Variants in CALN1 observed in about 807,000 individuals in gnomAD.
The protein encoded by CALN1 is calcium-binding protein 8.
Under a neutral mutation model 30.6 loss-of-function variants are expected in CALN1, and 17 were observed. That is an observed-to-expected ratio of 0.56 (90% confidence interval 0.38 to 0.83). The LOEUF (loss-of-function observed/expected upper bound fraction) is 0.83. Ranked by LOEUF, CALN1 falls within the 40% of genes least tolerant of loss-of-function variation. CALN1 has a pLI of 0.00. For synonymous variants in CALN1, 156 were observed against 131.4 expected, an observed-to-expected ratio of 1.19 and a Z score of -1.28; for missense variants, 291 against 354.9, an observed-to-expected ratio of 0.82 and a Z score of 1.45.
At chr7:72,354,773 T>G (rs935722213) in intron 2 of CALN1, among the ~76,000 whole-genome samples, 3 of 152,206 alleles carry the variant, frequency 2.0e-5, no homozygotes, top group Non-Finnish European at 4.4e-5. Flanking sequence ...GATACTTTAT[T>G]TACCCTATAG....
At chr7:72,286,258 A>T (rs1798071466) in intron 2 of CALN1, among the ~76,000 whole-genome samples, 1 of 151,902 alleles carries the variant, frequency 6.6e-6, no homozygotes. Flanking sequence ...AAAGCAGCCA[A>T]GGTCAAATCC....
At chr7:72,487,917 A>AGAAAGAAAGAAG in the CALN1 span, among the ~76,000 whole-genome samples, 10 of 62,284 alleles carry the variant, frequency 1.6e-4, no homozygotes, top group South Asian at 1.6e-3. Flanking sequence ...AAAGAAAGAA[A>AGAAAGAAAGAAG]GAAGGAAGGA....
intron 2 of CALN1, among the ~76,000 whole-genome samples, chr7:72,333,136 A>C (rs1158019395): frequency 1.3e-5 from 2 of 152,090 alleles, no homozygotes; most frequent in African/African-American, 2.4e-5. Flanking sequence ...TTTCCTCTGC[A>C]CCAGAATACC....
chr7:72,171,155 C>T (rs1182495619), intron 3 of CALN1, among the ~76,000 whole-genome samples: 2 of 151,886 alleles, frequency 1.3e-5, no homozygotes, highest in African/African-American at 4.8e-5. Flanking sequence ...GAGAGTCAGT[C>T]TCAAAACAAA....
intron 3 of CALN1, among the ~76,000 whole-genome samples, chr7:72,116,926 A>G (rs115906339): frequency 2.6e-5 from 4 of 152,348 alleles, no homozygotes; most frequent in African/African-American, 9.6e-5. Context: ...GATAGGAATT[A>G]TAAGCGAAGA....
At chr7:72,135,355 T>C (rs1024446102) in intron 3 of CALN1, among the ~76,000 whole-genome samples, 4 of 152,236 alleles carry the variant, frequency 2.6e-5, no homozygotes, top group Non-Finnish European at 4.4e-5. Context: ...TATCGCCTTA[T>C]GAAATGCGTT....
At chr7:72,283,474 T>G (rs1413565095) in intron 2 of CALN1, among the ~76,000 whole-genome samples, 1 of 152,062 alleles carries the variant, frequency 6.6e-6, no homozygotes, top group Non-Finnish European at 1.5e-5. Flanking sequence ...ATTTGAGACT[T>G]CAGAGAGCTA....
At chr7:72,441,830 G>T (rs1808355704) in intron 1 of CALN1, among the ~76,000 whole-genome samples, 1 of 151,892 alleles carries the variant, frequency 6.6e-6, no homozygotes, top group African/African-American at 2.4e-5. Context: ...GATCTCATCT[G>T]AGATGGCTTT....
Position 72,044,599 on chromosome 7 carries a change from C to CTTTTTTTTTTT in CALN1, c.389-20841_389-20831dup, listed in dbSNP as rs549079139. On this transcript the variant is annotated intron_variant, in intron 4 of 6. Coordinates refer to ENST00000395275, the MANE Select transcript of CALN1 (RefSeq NM_031468.4). ...TTCAGAGAATAATTTCCGCTTAAAA[C>CTTTTTTTTTTT]TTTTTTTTTTTTTTTTTTTTTTTTT... is the stretch of plus-strand genomic sequence containing the variant. Among the ~76,000 whole-genome samples, 48 of 96,690 alleles carry CTTTTTTTTTTT rather than the reference C, an allele frequency of 5.0e-4. 2 individuals are homozygous for CTTTTTTTTTTT. Among genetic ancestry groups the CTTTTTTTTTTT allele is most frequent in the African/African-American group, 1.8e-3 (45 of 24,468 alleles). The allele number at this position is 96,690 out of a possible 152,430, so 63.4% of individuals were successfully genotyped here.
At chr7:71,889,133 C>G (rs1489014672) in intron 5 of CALN1, among the ~76,000 whole-genome samples, 1 of 152,148 alleles carries the variant, frequency 6.6e-6, no homozygotes, top group Non-Finnish European at 1.5e-5. Flanking sequence ...CTGGCTGCTA[C>G]AACAAAATAT....
In CALN1 at chr7:72,376,332, G is replaced by A. The variant is rs558430695; in HGVS notation, c.119+26919C>T. 3.9e-5 allele frequency among the ~76,000 whole-genome samples: 6 copies of A among 152,296 alleles called. No individual in the cohort carries two copies. In the South Asian group the frequency reaches 6.2e-4, roughly 16 times the overall value. ...GGAATGCCAAGTTGTTTTCCAAAGT[G>A]ACATCATTTTACAGTACAATGCAAA... On this transcript the variant is annotated intron_variant, in intron 2 of 6. Transcript: ENST00000395275.
At chr7:72,375,542 G>A (rs1168234767) in intron 2 of CALN1, among the ~76,000 whole-genome samples, 2 of 138,742 alleles carry the variant, frequency 1.4e-5, no homozygotes, top group East Asian at 4.1e-4. Context: ...CTCCACCCTG[G>A]CAAAACAGCA....
At chr7:72,334,717 T>C (rs1026036100) in intron 2 of CALN1, among the ~76,000 whole-genome samples, 2 of 152,256 alleles carry the variant, frequency 1.3e-5, no homozygotes, top group Non-Finnish European at 2.9e-5. Flanking sequence ...TGAACAATTC[T>C]AAGAGGATTT....
chr7:72,491,175 C>T, the CALN1 span, among the ~76,000 whole-genome samples: 15 of 150,652 alleles, frequency 1.0e-4, no homozygotes, highest in East Asian at 4.0e-4. Context: ...ACCCGGAAGG[C>T]GGAGTTTGCA....
intron 2 of CALN1, among the ~76,000 whole-genome samples, chr7:72,357,670 TATGAG>T (rs1434359702): frequency 1.3e-5 from 2 of 151,612 alleles, no homozygotes; most frequent in Non-Finnish European, 2.9e-5. Flanking sequence ...AACTCCCCAT[TATGAG>T]ATAACATGTT....
At chr7:72,098,776 A>ACACACG (rs1806426132) in intron 4 of CALN1, among the ~76,000 whole-genome samples, 1 of 151,144 alleles carries the variant, frequency 6.6e-6, no homozygotes, top group African/African-American at 2.4e-5. Context: ...ACACACACAC[A>ACACACG]CACACACACA....
In CALN1 at chr7:71,978,262, C is replaced by CTTTTTTTTTTTTTTTTTTTTT. The variant is rs1010635078; in HGVS notation, c.501+45374_501+45394dup. 1.1e-4 allele frequency among the ~76,000 whole-genome samples: 8 copies of CTTTTTTTTTTTTTTTTTTTTT among 72,938 alleles called. 1 individual carries two copies. The highest frequency in any genetic ancestry group is 4.0e-4 in the African/African-American group (7 of 17,640). The allele number at this position is 72,938 out of a possible 152,430, so 47.9% of individuals were successfully genotyped here. A position where few individuals can be genotyped will look rare whatever the true frequency, so the allele number is the denominator to read the frequency against. On this transcript the variant is annotated intron_variant, in intron 5 of 6. Coordinates refer to ENST00000395275, the MANE Select transcript of CALN1 (RefSeq NM_031468.4). Reference sequence around the variant, plus strand: ...AAAAACTCAGGGACTCTAGAGAATTCTTTTTTTTTTTTTTTTTTTTTTTTT... The same window carrying CTTTTTTTTTTTTTTTTTTTTT: ...AAAAACTCAGGGACTCTAGAGAATTCTTTTTTTTTTTTTTTTTTTTTTTTTTTTTTTTTTTTTTTTTTTTTT...
At chr7:71,987,125 C>T (rs966328574) in intron 5 of CALN1, among the ~76,000 whole-genome samples, 4 of 127,840 alleles carry the variant, frequency 3.1e-5, no homozygotes, top group Non-Finnish European at 5.0e-5. Flanking sequence ...AGCTTCGTGT[C>T]AAAAAAAAAA....
chr7:72,447,978 G>GCACA (rs4029788), upstream of CALN1, among the ~76,000 whole-genome samples: 66 of 142,772 alleles, frequency 4.6e-4, no homozygotes, highest in Admixed American at 9.9e-4. Flanking sequence ...GCCTGCCCAT[G>GCACA]CACACACACA....
Sources: allele counts gnomAD v4.1 joint callset (sites outside exome capture counted in the v4.1 genomes callset), GRCh38; gene constraint gnomAD v4.1.1; transcripts MANE v1.5; gene names NCBI Gene and HGNC (gene_info 2026-07-23, HGNC 2026-07-21).